The following CCDC38 variants were observed in gnomAD, a reference collection of about 807,000 sequenced individuals.
CCDC38 encodes coiled-coil domain containing 38, also known as coiled-coil domain-containing protein 38.
Under a neutral mutation model 72.8 loss-of-function variants are expected in CCDC38, and 69 were observed. The observed-to-expected ratio is 0.95, with a 90% CI of 0.78 to 1.16. CCDC38 has a LOEUF of 1.16. Among genes scored for constraint, CCDC38 ranks in the 50% most tolerant of loss-of-function variants. CCDC38 has a pLI of 0.00. For missense variants in CCDC38, 626 were observed against 638.9 expected, an observed-to-expected ratio of 0.98 and a Z score of 0.22; for synonymous variants, 201 against 213.2, an observed-to-expected ratio of 0.94 and a Z score of 0.50.
intron 4 of CCDC38, among the ~76,000 whole-genome samples, chr12:95,910,332 C>A (rs1241249024): frequency 6.8e-6 from 1 of 146,262 alleles, no homozygotes; most frequent in African/African-American, 2.5e-5. Context: ...CACACACACA[C>A]AAAATACCTA....
At chr12:95,910,656 G>A (rs974161239) in intron 4 of CCDC38, among the ~76,000 whole-genome samples, 2 of 152,194 alleles carry the variant, frequency 1.3e-5, no homozygotes, top group Admixed American at 1.3e-4. Context: ...GAGGCCAGGA[G>A]TTCAAGACCA....
intron 4 of CCDC38, among the ~76,000 whole-genome samples, chr12:95,916,469 C>T (rs932361583): frequency 2.6e-5 from 4 of 151,132 alleles, no homozygotes; most frequent in Non-Finnish European, 4.4e-5. Context: ...GGAAAACATT[C>T]ATTTTGGGGG....
chr12:95,892,561 G>T (rs559445954), intron 8 of CCDC38, among the ~76,000 whole-genome samples: 40 of 150,266 alleles, frequency 2.7e-4, no homozygotes, highest in African/African-American at 9.8e-4. Flanking sequence ...ACAGATGTGA[G>T]CCACTGTACC....
chr12:95,874,954 ATCT>A (rs1439021924), intron 13 of CCDC38, among the ~76,000 whole-genome samples: 4 of 152,172 alleles, frequency 2.6e-5, no homozygotes, highest in East Asian at 1.9e-4. Context: ...ATTGCAGCTG[ATCT>A]TCTCCTTGTG....
chr12:95,874,823 G>A (rs17024823), intron 13 of CCDC38, among the ~76,000 whole-genome samples: 2,857 of 152,316 alleles, frequency 0.019, 23 homozygotes, highest in Non-Finnish European at 0.03. Flanking sequence ...CAAAACGGGA[G>A]AGGGGAAAGG....
chr12:95,922,338 A>G (rs2080218147), intron 2 of CCDC38, among the ~76,000 whole-genome samples: 1 of 152,212 alleles, frequency 6.6e-6, no homozygotes, highest in African/African-American at 2.4e-5. Context: ...TATAAGTCAT[A>G]TATACTCATA....
chr12:95,917,190 C>T lies in CCDC38; in HGVS notation c.243G>A (p.Arg81=), dbSNP rs1592792312. 1 of 1,608,500 alleles carries T rather than the reference C, an allele frequency of 6.2e-7. No homozygotes were observed. The highest frequency in any genetic ancestry group is 8.5e-7 in the Non-Finnish European group (1 of 1,178,946). ...CAAACTTTTCAAATGACCTACCACT[C>T]CTTTTAGGGTAGAAAGCTAGTTGGC... ...YLSQLAFYPK[R]SGRSFEKFGP... The change falls in exon 4 of 16, where the codon AGG becomes AGA. Residue 81 remains arginine, a synonymous_variant. Transcript: ENST00000344280.
At chr12:95,905,811 T>C (rs1159395159) in intron 5 of CCDC38, among the ~76,000 whole-genome samples, 4 of 152,226 alleles carry the variant, frequency 2.6e-5, no homozygotes, top group Admixed American at 2.6e-4. Context: ...TAGCAAATAA[T>C]CATGTTTTCA....
Position 95,879,705 on chromosome 12 carries a change from G to C in CCDC38, c.1081C>G (p.Gln361Glu). ...TCTTCAAGATTTTCATCTACATCTT[G>C]GGAATATTGAAACAAAGTAAGATTC... ...EQNLTLFQYS[Q>E]DVDENLEEVN... Residue 361 changes from glutamine to glutamate, a missense_variant, in exon 12 of 16, where the codon CAA becomes GAA. Transcript: ENST00000344280. The surrounding 1 kb of genome is among the most constrained non-coding windows in gnomAD (Gnocchi z 5.5). The C allele has an allele frequency of 6.2e-7, 1 of 1,607,504 alleles. No homozygotes were observed. Among genetic ancestry groups the C allele is most frequent in the Non-Finnish European group, 8.5e-7 (1 of 1,174,496 alleles).
intron 4 of CCDC38, among the ~76,000 whole-genome samples, chr12:95,916,043 T>C (rs2080140152): frequency 6.6e-6 from 1 of 152,164 alleles, no homozygotes; most frequent in Non-Finnish European, 1.5e-5. Context: ...TTCTAAAACA[T>C]ATCACATGTA....
At chr12:95,908,783 C>A (rs1398932089) in intron 4 of CCDC38, among the ~76,000 whole-genome samples, 1 of 151,724 alleles carries the variant, frequency 6.6e-6, no homozygotes, top group Non-Finnish European at 1.5e-5. Context: ...GGCCAATCTA[C>A]ACATACCAAA....
At chr12:95,920,139 G>A (rs61476720) in intron 2 of CCDC38, among the ~76,000 whole-genome samples, 6,663 of 152,194 alleles carry the variant, frequency 0.044, 478 homozygotes, top group African/African-American at 0.15. Flanking sequence ...TTGAATTGTA[G>A]CTCCTATAAT....
At chr12:95,933,707 A>G (rs2080361634) in intron 2 of CCDC38, 1 of 152,264 alleles carries the variant, frequency 6.6e-6, no homozygotes, top group South Asian at 2.1e-4. Flanking sequence ...TTTCTTGTAT[A>G]CCAGGAGATG....
chr12:95,899,092 C>A (rs977321360), intron 5 of CCDC38, among the ~76,000 whole-genome samples: 5 of 152,140 alleles, frequency 3.3e-5, no homozygotes, highest in African/African-American at 7.2e-5. Context: ...CAAAAGCTAC[C>A]AGCTTCTCCT....
chr12:95,935,667 C>T (rs2080385493), intron 2 of CCDC38: 1 of 161,656 alleles, frequency 6.2e-6, no homozygotes, highest in African/African-American at 2.4e-5. Context: ...AGCCTGAGTG[C>T]CTGTTACCTA....
chr12:95,890,551 C>T (rs949092606), intron 9 of CCDC38, among the ~76,000 whole-genome samples: 7 of 152,356 alleles, frequency 4.6e-5, no homozygotes, highest in African/African-American at 1.2e-4. Flanking sequence ...GCCAGAGAAA[C>T]GAGGGGCCTC....
chr12:95,898,787 C>A (rs1291255662), intron 5 of CCDC38, 56 bp from the exon 6 acceptor site: 5 of 1,538,792 alleles, frequency 3.2e-6, no homozygotes, highest in East Asian at 2.2e-5. Context: ...TTAGTAATTT[C>A]AACAGTCTTA....
chr12:95,869,790 GA>G, intron 14 of CCDC38: 1 of 475,676 alleles, frequency 2.1e-6, no homozygotes, highest in South Asian at 2.6e-5. Context: ...CATCATTTTG[GA>G]AAATATAAAA....
At chr12:95,869,643 T>G (rs940263768) in intron 14 of CCDC38, 70 bp from the exon 15 acceptor site, 2 of 1,156,160 alleles carry the variant, frequency 1.7e-6, no homozygotes, top group Admixed American at 3.6e-5. Flanking sequence ...CATTACTATT[T>G]GTTAATGAGC....
Sources: gnomAD v4.1 joint callset for allele counts (sites outside exome capture counted in the v4.1 genomes callset) on GRCh38, gnomAD v4.1.1 for gene constraint, Gnocchi (gnomAD v3.1) non-coding constraint, MANE v1.5 for transcripts, NCBI Gene and HGNC (gene_info 2026-07-23, HGNC 2026-07-21) for gene names.